The following ATP13A4 variants were observed in gnomAD, a reference collection of about 807,000 sequenced individuals.
ATP13A4 encodes probable cation-transporting ATPase 13A4.
In ATP13A4, 114 loss-of-function variants were observed where a neutral mutation model predicts 142.5. The observed-to-expected ratio is 0.80, with a 90% CI of 0.69 to 0.93. The LOEUF (loss-of-function observed/expected upper bound fraction) is 0.93, where lower values mean the gene tolerates loss of function less well. Among genes scored for constraint, ATP13A4 ranks in the 40% least tolerant of loss-of-function variants. The pLI is 0.00. For missense variants in ATP13A4, 1,392 were observed against 1,454.0 expected, an observed-to-expected ratio of 0.96 and a Z score of 0.69; for synonymous variants, 488 against 514.8, an observed-to-expected ratio of 0.95 and a Z score of 0.70.
intron 1 of ATP13A4, among the ~76,000 whole-genome samples, chr3:193,523,439 C>G (rs1721830981): frequency 3.3e-5 from 5 of 152,194 alleles, no homozygotes; most frequent in Admixed American, 3.3e-4. Flanking sequence ...AGTTTCACCC[C>G]CTGACCTCTA....
At position 193,536,608 on chromosome 3, in the gene ATP13A4, C is replaced by T. The variant is rs778258687; in HGVS notation, c.60+18132G>A. On this transcript the variant is annotated intron_variant, in intron 1 of 29. Coordinates refer to ENST00000342695, the MANE Select transcript of ATP13A4 (RefSeq NM_032279.4). The stretch of plus-strand genomic sequence containing the variant: ...AAGACAAGAATGTTCACTCTCACCA[C>T]TCTTACTCAACATTGTTCTAGAATT... Among the ~76,000 whole-genome samples, 3 of 152,014 alleles carry T rather than the reference C, an allele frequency of 2.0e-5. No homozygotes were observed. The South Asian group carries it at 6.2e-4, about 31-fold the overall frequency.
rs138154416 is a variant in ATP13A4 at position 193,457,028 on chromosome 3, C to A, written c.1887G>T (p.Arg629Ser). Residue 629 changes from arginine to serine, a missense_variant, in exon 16 of 30, where the codon AGG (arginine) becomes AGT (serine). Arg to Ser is a moderately radical substitution (Grantham distance 110, BLOSUM62 -1). Transcript: ENST00000342695. ...RLAFMKGAPE[R>S]VASFCQPETV... Reference sequence around the variant, plus strand: ...TCTCAGGTTGGCAAAAGCTGGCCACCCTCTCTGGTGCACCTTTCATGAATG... The same window carrying A: ...TCTCAGGTTGGCAAAAGCTGGCCACACTCTCTGGTGCACCTTTCATGAATG... 238 of 1,614,010 alleles carry A rather than the reference C, an allele frequency of 1.5e-4. No individual in the cohort carries two copies. The African/African-American group carries it at 2.9e-3, about 20-fold the overall frequency.
intron 1 of ATP13A4, chr3:193,553,222 T>C (rs1327769649): frequency 3.9e-5 from 6 of 152,248 alleles, no homozygotes; most frequent in African/African-American, 1.4e-4. Context: ...ATGCATCTGA[T>C]GGTGCCATTA....
chr3:193,508,846 TTTATTATAGATTC>T (rs1453162766), intron 2 of ATP13A4, among the ~76,000 whole-genome samples: 2 of 152,196 alleles, frequency 1.3e-5, no homozygotes, highest in African/African-American at 4.8e-5. Flanking sequence ...AGTGAGACTA[TTTATTATAGATTC>T]AACTTAATTC....
At chr3:193,414,941 A>G (rs1714978209) in intron 25 of ATP13A4, among the ~76,000 whole-genome samples, 191 bp from the exon 26 acceptor site, 1 of 152,178 alleles carries the variant, frequency 6.6e-6, no homozygotes, top group African/African-American at 2.4e-5. Context: ...AGAGCAGACA[A>G]AGCCACAAGA....
At chr3:193,514,423 T>A (rs541566332) in intron 2 of ATP13A4, among the ~76,000 whole-genome samples, 5 of 152,232 alleles carry the variant, frequency 3.3e-5, no homozygotes, top group Non-Finnish European at 5.9e-5. Flanking sequence ...CGTTCTTTAT[T>A]ATGGCTGCAG....
At chr3:193,579,703 C>G (rs751319735) in intron 2 of ATP13A4, among the ~76,000 whole-genome samples, 25 of 143,878 alleles carry the variant, frequency 1.7e-4, no homozygotes, top group Non-Finnish European at 3.0e-4. Flanking sequence ...TCAGACAATC[C>G]GTGCTCTCCA....
At chr3:193,447,554 C>A (rs1231529936) in intron 18 of ATP13A4, among the ~76,000 whole-genome samples, 1 of 152,096 alleles carries the variant, frequency 6.6e-6, no homozygotes, top group Non-Finnish European at 1.5e-5. Flanking sequence ...AACATGAATT[C>A]ATTAGGAAAT....
intron 25 of ATP13A4, among the ~76,000 whole-genome samples, chr3:193,420,967 G>A (rs1329334472): frequency 6.7e-6 from 1 of 149,728 alleles, no homozygotes; most frequent in Non-Finnish European, 1.5e-5. Flanking sequence ...GCCAGATGGA[G>A]AAGAGACAAA....
intron 2 of ATP13A4, among the ~76,000 whole-genome samples, chr3:193,561,545 T>C (rs1724017057): frequency 6.6e-6 from 1 of 152,196 alleles, no homozygotes; most frequent in South Asian, 2.1e-4. Flanking sequence ...GAGCTCTTAT[T>C]TGTGTACTGT....
chr3:193,525,787 T>C (rs995535892), intron 1 of ATP13A4, among the ~76,000 whole-genome samples: 3 of 152,248 alleles, frequency 2.0e-5, no homozygotes, highest in African/African-American at 7.2e-5. Flanking sequence ...TATATATTAA[T>C]CTTCCATTGA....
At chr3:193,527,083 C>A (rs1476249553) in intron 1 of ATP13A4, among the ~76,000 whole-genome samples, 1 of 152,184 alleles carries the variant, frequency 6.6e-6, no homozygotes, top group East Asian at 1.9e-4. Flanking sequence ...CACAGCTTTG[C>A]AACCGCTGGT....
rs1716471919 is a variant in ATP13A4 at position 193,439,085 on chromosome 3, A to C, written c.2520-20T>G. 1 of 1,585,348 alleles carries C rather than the reference A, an allele frequency of 6.3e-7. No individual in the cohort carries two copies. The highest frequency in any genetic ancestry group is 8.7e-7 in the Non-Finnish European group (1 of 1,153,936). ...AAGTAACTAAGAGGGAACCACATTA[A>C]TTGTAGATGAGATCAAACCTATCTT... On this transcript the variant is annotated intron_variant, in intron 21 of 29. Coordinates refer to ENST00000342695, the MANE Select transcript of ATP13A4 (RefSeq NM_032279.4).
At chr3:193,540,935 G>T (rs80228164) in intron 1 of ATP13A4, among the ~76,000 whole-genome samples, 3 of 149,958 alleles carry the variant, frequency 2.0e-5, no homozygotes, top group African/African-American at 7.4e-5. Flanking sequence ...TTTATTCATT[G>T]AACATGTTTC....
At chr3:193,554,065 A>G (rs1298973616) in intron 1 of ATP13A4, among the ~76,000 whole-genome samples, 1 of 152,222 alleles carries the variant, frequency 6.6e-6, no homozygotes, top group Non-Finnish European at 1.5e-5. Context: ...ACAGTTTTAA[A>G]TTCATCCTGA....
intron 12 of ATP13A4, among the ~76,000 whole-genome samples, chr3:193,464,453 A>G (rs1718145235): frequency 6.6e-6 from 1 of 152,256 alleles, no homozygotes; most frequent in Non-Finnish European, 1.5e-5. Context: ...TTTAAGCAAT[A>G]AAGTACAGAT....
chr3:193,507,920 G>T (rs976633902), intron 2 of ATP13A4, among the ~76,000 whole-genome samples: 3 of 152,188 alleles, frequency 2.0e-5, no homozygotes, highest in Admixed American at 6.5e-5. Flanking sequence ...GTTATGAATT[G>T]AGTTGTGTCC....
intron 6 of ATP13A4, among the ~76,000 whole-genome samples, chr3:193,491,054 G>A (rs1719915611): frequency 6.6e-6 from 1 of 152,068 alleles, no homozygotes; most frequent in Non-Finnish European, 1.5e-5. Flanking sequence ...AAGCAGCATA[G>A]TATTAAAAAA....
intron 25 of ATP13A4, among the ~76,000 whole-genome samples, chr3:193,417,811 C>T (rs921128300): frequency 6.7e-6 from 1 of 148,658 alleles, no homozygotes; most frequent in Non-Finnish European, 1.5e-5. Context: ...GAGTGAAACC[C>T]CGTCTCTACT....
Sources: gnomAD v4.1 joint callset for allele counts (sites outside exome capture counted in the v4.1 genomes callset) on GRCh38, gnomAD v4.1.1 for gene constraint, MANE v1.5 for transcripts, NCBI Gene and HGNC (gene_info 2026-07-23, HGNC 2026-07-21) for gene names.